SGCZ: variants seen among roughly 807,000 people sequenced by gnomAD.
SGCZ encodes the protein zeta-sarcoglycan.
A neutral mutation model predicts 41.3 loss-of-function variants in SGCZ; 40 were observed. The ratio of observed to expected loss-of-function variants is 0.97; its 90% CI spans 0.75 to 1.26. The LOEUF (loss-of-function observed/expected upper bound fraction) is 1.26, where lower values mean the gene tolerates loss of function less well. Among genes scored for constraint, SGCZ ranks in the 50% most tolerant of loss-of-function variants. The pLI, the probability that SGCZ is intolerant of heterozygous loss-of-function variation, is 0.00. For synonymous variants in SGCZ, 206 were observed against 137.5 expected (o/e 1.50, Z -3.49); for missense variants, 552 against 369.8 (o/e 1.49, Z -4.04).
At chr8:14,899,393 T>C (rs1335092169) in intron 1 of SGCZ, among the ~76,000 whole-genome samples, 2 of 152,190 alleles carry the variant, frequency 1.3e-5, no homozygotes, top group African/African-American at 4.8e-5. Context: ...TATTCTGACC[T>C]TAAAGATTTT....
At chr8:15,037,341 G>A (rs1033388542) in intron 1 of SGCZ, among the ~76,000 whole-genome samples, 5 of 152,152 alleles carry the variant, frequency 3.3e-5, no homozygotes, top group Non-Finnish European at 5.9e-5. Context: ...ACCATGTGAC[G>A]AAGGATACAT....
chr8:14,649,685 T>C lies in SGCZ; in HGVS notation c.40-94759A>G, dbSNP rs138321620. Among the ~76,000 whole-genome samples, 196 of 152,184 alleles carry C rather than the reference T, an allele frequency of 1.3e-3. 3 individuals carry two copies. The highest frequency in any genetic ancestry group is 4.4e-3 in the African/African-American group (184 of 41,506). On this transcript the variant is annotated intron_variant, in intron 1 of 7. Transcript: ENST00000382080. ...AACACAAGCCTAATTGCTAAACACG[T>C]AGATTTCCAATTCTAATTTTAATGA... is the stretch of plus-strand genomic sequence containing the variant.
At chr8:15,175,061 C>G (rs1052404091) in intron 1 of SGCZ, among the ~76,000 whole-genome samples, 1 of 62,888 alleles carries the variant, frequency 1.6e-5, no homozygotes, top group African/African-American at 4.0e-5. Context: ...ACATGTATAC[C>G]AATGTAACAA....
At chr8:14,727,200 T>C (rs1003407350) in intron 1 of SGCZ, among the ~76,000 whole-genome samples, 1 of 152,022 alleles carries the variant, frequency 6.6e-6, no homozygotes, top group Non-Finnish European at 1.5e-5. Context: ...GACATATAAA[T>C]AGTCAATAAT....
intron 4 of SGCZ, among the ~76,000 whole-genome samples, chr8:14,174,140 T>A (rs557716507): frequency 6.6e-6 from 1 of 152,134 alleles, no homozygotes; most frequent in South Asian, 2.1e-4. Flanking sequence ...ACTTAAAAAT[T>A]ATACAGACAG....
intron 2 of SGCZ, among the ~76,000 whole-genome samples, chr8:14,350,188 A>G (rs539305723): frequency 1.3e-5 from 2 of 152,070 alleles, no homozygotes; most frequent in Admixed American, 1.3e-4. Flanking sequence ...AGATCTGGAG[A>G]CATTAATCTG....
At chr8:14,377,066 T>C (rs998249350) in intron 2 of SGCZ, among the ~76,000 whole-genome samples, 13 of 152,272 alleles carry the variant, frequency 8.5e-5, no homozygotes, top group African/African-American at 3.1e-4. Flanking sequence ...AAGGTGACTC[T>C]TGATGGGCCC....
At chr8:15,108,262 T>G (rs943767145) in intron 1 of SGCZ, among the ~76,000 whole-genome samples, 1 of 152,196 alleles carries the variant, frequency 6.6e-6, no homozygotes, top group African/African-American at 2.4e-5. Flanking sequence ...AAACATATGG[T>G]TCTCAGTTAT....
At chr8:14,933,065 A>AGG (rs1563372921) in intron 1 of SGCZ, among the ~76,000 whole-genome samples, 1 of 151,972 alleles carries the variant, frequency 6.6e-6, no homozygotes, top group Non-Finnish European at 1.5e-5. Flanking sequence ...GGAGGGCAGG[A>AGG]GGGGGATGAG....
rs115110344 is a variant in SGCZ, at chr8:14,209,326, G to C, written c.424+28266C>G. ...AAGCCCCTCTCTCTCACCAGGGAGA[G>C]AGCTGTTCTGCTTTCTCTTTCTTTC... On this transcript the variant is annotated intron_variant, in intron 4 of 7. Transcript: ENST00000382080. Among the ~76,000 whole-genome samples the C allele has an allele frequency of 2.7e-3, 417 of 152,126 alleles. 1 individual carries two copies. Among genetic ancestry groups the C allele is most frequent in the Middle Eastern group, 0.01 (3 of 294 alleles).
intron 1 of SGCZ, among the ~76,000 whole-genome samples, chr8:15,172,764 C>G (rs919849530): frequency 1.3e-5 from 2 of 152,242 alleles, no homozygotes; most frequent in African/African-American, 4.8e-5. Context: ...ATGCGCTTTA[C>G]TGCTTCAGAC....
At chr8:14,415,911 C>G (rs912793031) in intron 2 of SGCZ, among the ~76,000 whole-genome samples, 2 of 151,850 alleles carry the variant, frequency 1.3e-5, no homozygotes, top group Admixed American at 1.3e-4. Context: ...TTTTTCTGAC[C>G]TCCTTTAATA....
At chr8:14,914,230 GTATA>G (rs202048346) in intron 1 of SGCZ, among the ~76,000 whole-genome samples, 15 of 140,560 alleles carry the variant, frequency 1.1e-4, no homozygotes, top group Non-Finnish European at 1.5e-4. Context: ...ATATGTATGC[GTATA>G]TATATATAGA....
At chr8:14,093,171 G>T (rs992068147) in intron 7 of SGCZ, among the ~76,000 whole-genome samples, 1 of 152,044 alleles carries the variant, frequency 6.6e-6, no homozygotes, top group Admixed American at 6.6e-5. Flanking sequence ...GAGTAGGAGA[G>T]AATATTCTGC....
rs150202401 is a variant in SGCZ, at chr8:14,346,885, T to C, written c.235-22681A>G. On this transcript the variant is annotated intron_variant, in intron 2 of 7. Transcript: ENST00000382080. ...AGTTTAGGGCGTTTCCTTTTTTTCT[T>C]TCCCATCTTATAAACATTTCAATCA... Among the ~76,000 whole-genome samples the C allele has an allele frequency of 5.4e-3, 824 of 152,208 alleles. 11 individuals are homozygous for C. The highest frequency in any genetic ancestry group is 0.019 in the African/African-American group (799 of 41,556).
chr8:14,113,741 A>G (rs1255128390), intron 5 of SGCZ, among the ~76,000 whole-genome samples: 4 of 152,046 alleles, frequency 2.6e-5, no homozygotes, highest in Non-Finnish European at 4.4e-5. Flanking sequence ...CTAAAACACA[A>G]AATTGACTTT....
intron 2 of SGCZ, among the ~76,000 whole-genome samples, chr8:14,524,352 G>A (rs1171085910): frequency 1.3e-5 from 2 of 151,852 alleles, no homozygotes; most frequent in Admixed American, 6.6e-5. Flanking sequence ...TCCTGGATTC[G>A]GGTGGGGGAA....
chr8:14,237,239 T>G (rs923398170), intron 4 of SGCZ, among the ~76,000 whole-genome samples: 2 of 152,140 alleles, frequency 1.3e-5, no homozygotes, highest in Non-Finnish European at 2.9e-5. Flanking sequence ...AATAATACAT[T>G]GGCAAGAGTA....
chr8:14,496,760 T>C (rs116968192), intron 2 of SGCZ, among the ~76,000 whole-genome samples: 2,128 of 152,298 alleles, frequency 0.014, 23 homozygotes, highest in Non-Finnish European at 0.022. Flanking sequence ...ATGTGTTTGA[T>C]ATAGGTTCTT....
Sources: gnomAD v4.1 joint callset for allele counts (sites outside exome capture counted in the v4.1 genomes callset) on GRCh38, gnomAD v4.1.1 for gene constraint, MANE v1.5 for transcripts, NCBI Gene and HGNC (gene_info 2026-07-23, HGNC 2026-07-21) for gene names.